The following MED27 variants were observed in gnomAD, a reference collection of about 807,000 sequenced individuals.
MED27 encodes the protein mediator of RNA polymerase II transcription subunit 27.
MED27 carries 30 observed loss-of-function variants against 38.2 expected under a neutral mutation model. That is an observed-to-expected ratio of 0.79 (90% CI 0.59 to 1.07). The LOEUF (loss-of-function observed/expected upper bound fraction) is 1.07, where lower values mean the gene tolerates loss of function less well. Ranked by LOEUF, MED27 falls within the 50% of genes least tolerant of loss-of-function variation. The pLI is 0.00. For synonymous variants in MED27, 122 were observed against 153.5 expected (o/e 0.79, Z 1.52); for missense variants, 289 against 397.5 (o/e 0.73, Z 2.32).
chr9:132,056,745 G>T (rs1433646926), intron 2 of MED27, among the ~76,000 whole-genome samples: 1 of 152,130 alleles, frequency 6.6e-6, no homozygotes, highest in Non-Finnish European at 1.5e-5. Flanking sequence ...GATGACTCAG[G>T]TCTAGTTCAG....
intron 3 of MED27, among the ~76,000 whole-genome samples, chr9:131,944,898 A>G (rs1021138902): frequency 6.6e-5 from 10 of 151,116 alleles, no homozygotes; most frequent in African/African-American, 2.2e-4. Flanking sequence ...ACATGTCTGT[A>G]CAACATTTTA....
At chr9:132,008,080 G>A (rs1776088655) in intron 3 of MED27, among the ~76,000 whole-genome samples, 1 of 152,196 alleles carries the variant, frequency 6.6e-6, no homozygotes, top group Admixed American at 6.5e-5. Flanking sequence ...CTGAAAGCTG[G>A]CATTTCATCA....
rs1839196019 is a variant in MED27, at chr9:131,889,612, T to TAA, written c.681+4272_681+4273insTT. Among the ~76,000 whole-genome samples, 1 of 152,142 alleles carries TAA rather than the reference T, an allele frequency of 6.6e-6. No individual in the cohort carries two copies. Among genetic ancestry groups the TAA allele is most frequent in the Non-Finnish European group, 1.5e-5 (1 of 68,022 alleles). ...CATTGCAGGTAAAGAGACAGGATGCTAGGGTCATGGCGGTGGTTGTTAGAG... is the reference window on the plus strand; with the variant it reads ...CATTGCAGGTAAAGAGACAGGATGCTAAAGGGTCATGGCGGTGGTTGTTAGAG... On this transcript the variant is annotated intron_variant, in intron 5 of 7. Transcript: ENST00000292035. This position sits in a 1 kb window ranked among gnomAD's most constrained non-coding sequence, Gnocchi z 4.2.
chr9:131,969,319 G>A (rs1831423858), intron 3 of MED27, among the ~76,000 whole-genome samples: 1 of 152,082 alleles, frequency 6.6e-6, no homozygotes, highest in African/African-American at 2.4e-5. Flanking sequence ...CAGAAACCAA[G>A]ATATCAGTCC....
chr9:131,899,471 T>G (rs1158171137), intron 4 of MED27, among the ~76,000 whole-genome samples: 1 of 152,200 alleles, frequency 6.6e-6, no homozygotes, highest in Non-Finnish European at 1.5e-5. Context: ...CTTCAGGCCC[T>G]CATTCTCCAC....
intron 6 of MED27, among the ~76,000 whole-genome samples, chr9:131,871,084 G>A (rs1838824724): frequency 6.6e-6 from 1 of 152,062 alleles, no homozygotes; most frequent in African/African-American, 2.4e-5. Context: ...GATTCAGTGT[G>A]CATCCCACTG....
intron 2 of MED27, among the ~76,000 whole-genome samples, chr9:132,068,435 C>G (rs573933974): frequency 6.6e-6 from 1 of 152,060 alleles, no homozygotes; most frequent in Admixed American, 6.5e-5. Context: ...AAAGATCCCT[C>G]GAGAGCTGCA....
In MED27 at chr9:131,949,043, T is replaced by C. The variant is rs142526054; in HGVS notation, c.480-9569A>G. Among the ~76,000 whole-genome samples the C allele has an allele frequency of 3.9e-4, 59 of 152,222 alleles. 1 individual carries two copies. Among genetic ancestry groups the C allele is most frequent in the Non-Finnish European group, 3.8e-4 (26 of 68,008 alleles). On this transcript the variant is annotated intron_variant, in intron 3 of 7. Coordinates refer to ENST00000292035, the MANE Select transcript of MED27 (RefSeq NM_004269.4). ...ACGGGGTGTCAAGTCGCCCTTTGAG[T>C]TCATGGGTACGTCATGAACTAGAAC...
Position 131,938,943 on chromosome 9 carries a change from G to A in MED27, c.573+438C>T, listed in dbSNP as rs532519650. On this transcript the variant is annotated intron_variant, in intron 4 of 7. Coordinates refer to ENST00000292035, the MANE Select transcript of MED27 (RefSeq NM_004269.4). ...TTAGCCAGGATGGTCTCGATCTCCT[G>A]ACCTCGTGATCCGCCCGCCTCAGCC... Among the ~76,000 whole-genome samples, 6 of 152,222 alleles carry A rather than the reference G, an allele frequency of 3.9e-5. No individual in the cohort carries two copies. In the East Asian group the frequency reaches 1.2e-3, roughly 29 times the overall value.
At position 132,011,289 on chromosome 9, in the gene MED27, C is replaced by G. The variant is rs532976192; in HGVS notation, c.479+3048G>C. Among the ~76,000 whole-genome samples, 4 of 152,096 alleles carry G rather than the reference C, an allele frequency of 2.6e-5. No homozygotes were observed. The East Asian group carries it at 7.7e-4, about 29-fold the overall frequency. The stretch of plus-strand genomic sequence containing the variant: ...TATATGACATATGCACAGAAAAAGT[C>G]TAGAACAATATCCATCCTAATCTTA... On this transcript the variant is annotated intron_variant, in intron 3 of 7. Coordinates refer to ENST00000292035, the MANE Select transcript of MED27 (RefSeq NM_004269.4).
intron 3 of MED27, among the ~76,000 whole-genome samples, chr9:131,978,800 GAAC>G (rs1410305462): frequency 2.0e-5 from 3 of 152,192 alleles, no homozygotes; most frequent in Non-Finnish European, 4.4e-5. Flanking sequence ...CTACTCTTCA[GAAC>G]AACTGCAGAG....
chr9:132,057,469 G>A (rs750380391), intron 2 of MED27, among the ~76,000 whole-genome samples: 2 of 152,212 alleles, frequency 1.3e-5, no homozygotes, highest in Non-Finnish European at 2.9e-5. Context: ...GTGCCTTCAA[G>A]AGGGAACAGA....
At chr9:131,888,190 G>C (rs570965593) in intron 5 of MED27, among the ~76,000 whole-genome samples, 1 of 152,186 alleles carries the variant, frequency 6.6e-6, no homozygotes, top group Non-Finnish European at 1.5e-5. Context: ...TGAAGATGAC[G>C]CATTCGGCCT....
At chr9:131,968,855 T>G (rs1831413636) in intron 3 of MED27, among the ~76,000 whole-genome samples, 1 of 152,164 alleles carries the variant, frequency 6.6e-6, no homozygotes. Flanking sequence ...CTCACATTAC[T>G]GAGCTCCACC....
intron 3 of MED27, among the ~76,000 whole-genome samples, chr9:131,991,637 C>T: frequency 6.6e-6 from 1 of 152,284 alleles, no homozygotes; most frequent in East Asian, 1.9e-4. Flanking sequence ...AAATATATAG[C>T]ATGAAATTTA....
At chr9:132,062,618 T>C (rs1225834274) in intron 2 of MED27, among the ~76,000 whole-genome samples, 1 of 19,124 alleles carries the variant, frequency 5.2e-5, no homozygotes, top group Non-Finnish European at 1.6e-4. Flanking sequence ...ATCAATACAT[T>C]TTTTTTTTTT....
chr9:132,064,328 G>A (rs1833764425), intron 2 of MED27, among the ~76,000 whole-genome samples: 2 of 152,120 alleles, frequency 1.3e-5, no homozygotes, highest in Admixed American at 1.3e-4. Flanking sequence ...CGGCCTTCGG[G>A]GATCTAGAGG....
Position 131,861,145 on chromosome 9 carries a change from G to A in MED27, c.802-473C>T, listed in dbSNP as rs1838645402. ...GGTCAACATGCCTTCTAGCTAATCT[G>A]ATTTCAGAGGTTGTCACTCATTGTC... is the stretch of plus-strand genomic sequence containing the variant. On this transcript the variant is annotated intron_variant, in intron 7 of 7. Transcript: ENST00000292035. This position sits in a 1 kb window ranked among gnomAD's most constrained non-coding sequence, Gnocchi z 4.4. Among the ~76,000 whole-genome samples the A allele has an allele frequency of 6.6e-6, 1 of 152,046 alleles. No homozygotes were observed. The highest frequency in any genetic ancestry group is 1.5e-5 in the Non-Finnish European group (1 of 68,012).
intron 3 of MED27, among the ~76,000 whole-genome samples, chr9:132,012,317 C>A (rs1255021829): frequency 6.6e-6 from 1 of 152,168 alleles, no homozygotes; most frequent in Non-Finnish European, 1.5e-5. Flanking sequence ...AATAATGGCC[C>A]TTAAGAAGCA....
Sources: gnomAD v4.1 joint callset for allele counts (sites outside exome capture counted in the v4.1 genomes callset) on GRCh38, gnomAD v4.1.1 for gene constraint, Gnocchi (gnomAD v3.1) non-coding constraint, MANE v1.5 for transcripts, NCBI Gene and HGNC (gene_info 2026-07-23, HGNC 2026-07-21) for gene names.